RTKN2: variants seen among roughly 807,000 people sequenced by gnomAD.
RTKN2 encodes the protein rhotekin 2.
Under a neutral mutation model 71.5 loss-of-function variants are expected in RTKN2, and 69 were observed. The ratio of observed to expected loss-of-function variants is 0.96; its 90% confidence interval spans 0.79 to 1.18. The LOEUF (loss-of-function observed/expected upper bound fraction) is 1.18, where lower values mean the gene tolerates loss of function less well. Ranked by LOEUF, RTKN2 falls within the 50% of genes most tolerant of loss-of-function variation. RTKN2 has a pLI of 0.00. For missense variants in RTKN2, 724 were observed against 719.7 expected (o/e 1.01, Z -0.07); for synonymous variants, 236 against 236.5 (o/e 1.00, Z 0.02).
chr10:62,184,009 TATA>T (rs1487510445), exon 9 of RTKN2: 9 of 229,398 alleles, frequency 3.9e-5, no homozygotes, highest in Admixed American at 5.7e-5. Context: ...CCATAGTAGT[TATA>T]ATATTTCTCT....
chr10:62,232,388 C>T (rs1272333671), intron 6 of RTKN2, among the ~76,000 whole-genome samples: 1 of 149,358 alleles, frequency 6.7e-6, no homozygotes, highest in African/African-American at 2.5e-5. Flanking sequence ...GATCACAGCT[C>T]ACTTTAGCCT....
chr10:62,199,811 G>A lies in RTKN2; in HGVS notation c.1237C>T (p.Pro413Ser). The A allele has an allele frequency of 6.2e-7, 1 of 1,613,674 alleles. No homozygotes were observed. The highest frequency in any genetic ancestry group is 2.2e-5 in the East Asian group (1 of 44,828). ...GTCAAGAACAAAGGTGGTTTCCGTG[G>A]TGACATAATCTCAATTTTCATAAGT... Reference protein sequence around the residue: ...EELMKIEIMSPRKPPLFLTKE... With the variant: ...EELMKIEIMSSRKPPLFLTKE... The change falls in exon 11 of 12, where the codon CCA becomes TCA. Residue 413 changes from proline (P) to serine (S), a missense_variant. By Grantham distance (74) the Pro-to-Ser change is moderately conservative. Coordinates refer to ENST00000373789, the MANE Select transcript of RTKN2 (RefSeq NM_145307.4).
intron 2 of RTKN2, among the ~76,000 whole-genome samples, chr10:62,261,394 C>T (rs964936949): frequency 3.9e-5 from 6 of 152,120 alleles, no homozygotes; most frequent in Non-Finnish European, 7.4e-5. Context: ...GTAATCCCAG[C>T]GCTCTGGGAG....
rs1381074625 is a variant in RTKN2 at position 62,196,346 on chromosome 10, T to C, written c.*1562A>G. ...TATCAAGCAGGCATATAGTACTTTC[T>C]TCTCACCAAAAACTCTGTCTGTCCT... is the stretch of plus-strand genomic sequence containing the variant. On this transcript the variant is annotated 3_prime_UTR_variant, in exon 12 of 12. Transcript: ENST00000373789. The C allele has an allele frequency of 1.0e-6, 1 of 984,134 alleles. No individual in the cohort carries two copies. The highest frequency in any genetic ancestry group is 1.7e-5 in the African/African-American group (1 of 57,198). The allele number at this position is 984,134 out of a possible 1,614,324, so 61.0% of individuals were successfully genotyped here.
At position 62,218,253 on chromosome 10, in the gene RTKN2, A is replaced by G. The variant is rs1841820752; in HGVS notation, c.830T>C (p.Leu277Pro). The change falls in exon 8 of 12, where the codon CTA becomes CCA. Residue 277 changes from leucine (L) to proline (P), a missense_variant. Coordinates refer to ENST00000373789, the MANE Select transcript of RTKN2 (RefSeq NM_145307.4). ...AGCCATACAAGCTGGCTGGGCAACT[A>G]GTCGGCAGCACATGTTGCCATACAG... The part of the protein sequence containing the change: ...LPLYGNMCCR[L>P]VAQPACMAED... 6.2e-7 allele frequency: 1 copy of G among 1,613,536 alleles called. No individual in the cohort carries two copies.
rs1007395430 is a variant in RTKN2 at position 62,196,944 on chromosome 10, G to T, written c.*964C>A. 7 of 977,690 alleles carry T rather than the reference G, an allele frequency of 7.2e-6. No individual in the cohort carries two copies. Among genetic ancestry groups the T allele is most frequent in the Non-Finnish European group, 8.5e-6 (7 of 823,374 alleles). 60.6% of individuals were successfully genotyped at this position (977,690 alleles called of 1,614,324 possible). ...TGGAAATGATTCCAATGTCACTGTT[G>T]TAAGAATATGACATTTAATGAAAAA... On this transcript the variant is annotated 3_prime_UTR_variant, in exon 12 of 12. Coordinates refer to ENST00000373789, the MANE Select transcript of RTKN2 (RefSeq NM_145307.4).
intron 2 of RTKN2, among the ~76,000 whole-genome samples, chr10:62,258,771 G>A (rs926267157): frequency 6.6e-5 from 10 of 151,934 alleles, no homozygotes; most frequent in African/African-American, 1.9e-4. Context: ...ATATTTTCAC[G>A]GGTAAGCAAA....
At chr10:62,215,050 G>C (rs777368783) in intron 9 of RTKN2, 2 of 1,509,236 alleles carry the variant, frequency 1.3e-6, no homozygotes, top group South Asian at 2.4e-5. Context: ...GAGATATGGC[G>C]AGTTGAATTC....
intron 2 of RTKN2, among the ~76,000 whole-genome samples, chr10:62,248,679 T>C (rs934514996): frequency 6.6e-6 from 1 of 152,172 alleles, no homozygotes; most frequent in Non-Finnish European, 1.5e-5. Flanking sequence ...ATTACTTATA[T>C]TTCTGCCTGT....
intron 9 of RTKN2, among the ~76,000 whole-genome samples, chr10:62,207,336 ACAT>A (rs1427514123): frequency 6.6e-6 from 1 of 152,110 alleles, no homozygotes; most frequent in African/African-American, 2.4e-5. Flanking sequence ...CATTTTTAAA[ACAT>A]CAGAGGTTTC....
intron 2 of RTKN2, among the ~76,000 whole-genome samples, chr10:62,253,472 AG>A (rs1016719398): frequency 1.3e-5 from 2 of 152,216 alleles, no homozygotes; most frequent in Non-Finnish European, 2.9e-5. Context: ...AACCTAACAC[AG>A]TCATTAACAC....
At chr10:62,211,443 C>T (rs955229771) in intron 9 of RTKN2, among the ~76,000 whole-genome samples, 5 of 152,114 alleles carry the variant, frequency 3.3e-5, no homozygotes, top group South Asian at 2.1e-4. Flanking sequence ...AGAACAGATC[C>T]TGTGATCTAA....
At chr10:62,256,534 A>G (rs768461560) in intron 2 of RTKN2, among the ~76,000 whole-genome samples, 5 of 152,188 alleles carry the variant, frequency 3.3e-5, no homozygotes, top group South Asian at 2.1e-4. Flanking sequence ...TTTGTATATA[A>G]TATTTTGATT....
Position 62,217,117 on chromosome 10 carries a change from C to A in RTKN2, c.1020+1G>T. The A allele has an allele frequency of 6.4e-7, 1 of 1,560,576 alleles. No homozygotes were observed. Among genetic ancestry groups the A allele is most frequent in the South Asian group, 1.3e-5 (1 of 79,220 alleles). ...TTTTCTCAAAATAGCATTTCCTTTA[C>A]CTTGTTAATGGGTACTACCAAAGCT... On this transcript the variant is annotated splice_donor_variant, in intron 9 of 11. Transcript: ENST00000373789. LOFTEE classifies it high-confidence loss of function.
Position 62,239,784 on chromosome 10 carries a change from C to T in RTKN2, c.371-19G>A, listed in dbSNP as rs1842335624. The T allele has an allele frequency of 1.7e-6, 2 of 1,167,410 alleles. No individual in the cohort carries two copies. The highest frequency in any genetic ancestry group is 3.0e-5 in the African/African-American group (2 of 65,574). The allele number at this position is 1,167,410 out of a possible 1,614,324, so 72.3% of individuals were successfully genotyped here. A position where few individuals can be genotyped will look rare whatever the true frequency, so the allele number is the denominator to read the frequency against. ...CGTGATCCTGGAGGAAAAATAACAA[C>T]ATATTAAGCAACAATCCATGTAATA... On this transcript the variant is annotated intron_variant, in intron 4 of 11. Coordinates refer to ENST00000373789, the MANE Select transcript of RTKN2 (RefSeq NM_145307.4).
intron 1 of RTKN2, among the ~76,000 whole-genome samples, chr10:62,266,930 T>C: frequency 6.6e-6 from 1 of 152,230 alleles, no homozygotes; most frequent in East Asian, 1.9e-4. Flanking sequence ...CAATACTCTA[T>C]GCTGTGAGGA....
chr10:62,263,250 A>G (rs1842808367), intron 1 of RTKN2, among the ~76,000 whole-genome samples: 1 of 152,196 alleles, frequency 6.6e-6, no homozygotes. Flanking sequence ...AGGTCCCATG[A>G]AGACACAGTC....
chr10:62,224,701 G>C (rs1841983171), intron 6 of RTKN2, among the ~76,000 whole-genome samples: 1 of 152,108 alleles, frequency 6.6e-6, no homozygotes, highest in South Asian at 2.1e-4. Flanking sequence ...GTGGTAGGTA[G>C]GTGAACTGGG....
At position 62,214,677 on chromosome 10, in the gene RTKN2, TAA is replaced by T. The variant is rs1355637500; in HGVS notation, c.1020+2439_1020+2440del. On this transcript the variant is annotated intron_variant, in intron 9 of 11. Transcript: ENST00000373789. The stretch of plus-strand genomic sequence containing the variant: ...TAAATGTTCTCTTAAATTTAAATCG[TAA>T]AGTTTCCACACACATGCCTAAGCCA... Among the ~76,000 whole-genome samples the T allele has an allele frequency of 1.0e-3, 158 of 152,228 alleles. 3 individuals carry two copies. Among genetic ancestry groups the T allele is most frequent in the Non-Finnish European group, 2.1e-4 (14 of 67,968 alleles).
Sources: allele counts gnomAD v4.1 joint callset (sites outside exome capture counted in the v4.1 genomes callset), GRCh38; gene constraint gnomAD v4.1.1; transcripts MANE v1.5; gene names NCBI Gene and HGNC (gene_info 2026-07-23, HGNC 2026-07-21).